Variants in NPAS2 observed in about 807,000 individuals in gnomAD.
NPAS2 encodes neuronal PAS domain-containing protein 2.
NPAS2 carries 23 observed loss-of-function variants against 107.5 expected under a neutral mutation model. The observed-to-expected ratio is 0.21, with a 90% CI of 0.15 to 0.30. The LOEUF is 0.30. Among genes scored for constraint, NPAS2 ranks in the 10% least tolerant of loss-of-function variants. NPAS2 has a pLI of 1.00. For synonymous variants in NPAS2, 403 were observed against 417.5 expected, an observed-to-expected ratio of 0.97 and a Z score of 0.42; for missense variants, 756 against 1,043.3, an observed-to-expected ratio of 0.72 and a Z score of 3.79.
At chr2:100,867,368 A>G (rs1679320563) in intron 1 of NPAS2, among the ~76,000 whole-genome samples, 1 of 152,144 alleles carries the variant, frequency 6.6e-6, no homozygotes, top group Admixed American at 6.6e-5. Context: ...GGTGCATGTA[A>G]GTTTAGGATT....
chr2:100,849,116 G>C (rs994257485), intron 1 of NPAS2, among the ~76,000 whole-genome samples: 2 of 152,314 alleles, frequency 1.3e-5, no homozygotes, highest in Non-Finnish European at 2.9e-5. Flanking sequence ...TTTCTCAAAG[G>C]CTGCTCCATG....
chr2:100,965,006 G>C lies in NPAS2; in HGVS notation c.800+63G>C, dbSNP rs1254508697. On this transcript the variant is annotated intron_variant, in intron 9 of 20. Transcript: ENST00000335681. This position sits in a 1 kb window ranked among gnomAD's most constrained non-coding sequence, Gnocchi z 4.3. ...CTCAAGTCTTGTTTGCGTGAGCCAG[G>C]CTCTCCTTGGGAGAGAAGAGTCGGC... 1 of 1,114,012 alleles carries C rather than the reference G, an allele frequency of 9.0e-7. No homozygotes were observed. Among genetic ancestry groups the C allele is most frequent in the African/African-American group, 1.6e-5 (1 of 61,898 alleles). The allele number at this position is 1,114,012 out of a possible 1,614,324, so 69.0% of individuals were successfully genotyped here.
intron 3 of NPAS2, among the ~76,000 whole-genome samples, chr2:100,926,014 C>T (rs1256714570): frequency 1.3e-5 from 2 of 152,194 alleles, no homozygotes; most frequent in Non-Finnish European, 2.9e-5. Context: ...CTATTCTAGG[C>T]ATTTTATACA....
chr2:100,897,950 C>T (rs753713659), intron 1 of NPAS2, among the ~76,000 whole-genome samples: 52 of 152,316 alleles, frequency 3.4e-4, no homozygotes, highest in Non-Finnish European at 6.2e-4. Flanking sequence ...TGCCTCATCA[C>T]AGAGCCCAAG....
chr2:100,993,279 C>A (rs182598313), intron 19 of NPAS2, 68 bp from the exon 20 acceptor site: 6 of 1,396,986 alleles, frequency 4.3e-6, no homozygotes, highest in Non-Finnish European at 5.8e-6. Flanking sequence ...CTTTGTTGCT[C>A]GTGCTTTTGG....
rs1399278426 is a variant in NPAS2, at chr2:100,976,194, T to G, written c.1392+627T>G. 6.6e-6 allele frequency among the ~76,000 whole-genome samples: 1 copy of G among 151,718 alleles called. No homozygotes were observed. The highest frequency in any genetic ancestry group is 1.5e-5 in the Non-Finnish European group (1 of 67,944). ...CTTCTCTGCTCCTTGGTGTCGGGGA[T>G]CTCGTGGGCCTAGGCTATGGAATGC... On this transcript the variant is annotated intron_variant, in intron 14 of 20. Transcript: ENST00000335681. The surrounding 1 kb of genome is among the most constrained non-coding windows in gnomAD (Gnocchi z 4.1).
At chr2:100,952,955 A>T (rs6719985) in intron 7 of NPAS2, among the ~76,000 whole-genome samples, 52,312 of 151,166 alleles carry the variant, frequency 0.35, 9,149 homozygotes, top group Middle Eastern at 0.52. Flanking sequence ...AGTCTGTTCT[A>T]CAAACCAGCA....
At chr2:100,877,440 C>T (rs561494865) in intron 1 of NPAS2, among the ~76,000 whole-genome samples, 2 of 91,332 alleles carry the variant, frequency 2.2e-5, no homozygotes, top group East Asian at 5.5e-4. Flanking sequence ...AGTGAGACTC[C>T]GTCTCAAAAA....
intron 5 of NPAS2, among the ~76,000 whole-genome samples, chr2:100,944,075 T>C (rs1444863513): frequency 6.6e-6 from 1 of 152,200 alleles, no homozygotes; most frequent in Non-Finnish European, 1.5e-5. Flanking sequence ...TTCTGAAAGC[T>C]TAACCATATG....
chr2:100,829,132 C>G (rs1216212824), intron 1 of NPAS2, among the ~76,000 whole-genome samples: 1 of 150,578 alleles, frequency 6.6e-6, no homozygotes, highest in African/African-American at 2.4e-5. Flanking sequence ...AGCTGTATTC[C>G]TATGTATTTT....
intron 14 of NPAS2, 79 bp from the exon 15 acceptor site, chr2:100,977,631 C>T (rs751639320): frequency 7.9e-6 from 10 of 1,261,606 alleles, no homozygotes; most frequent in Non-Finnish European, 1.2e-5. Flanking sequence ...ACGCAGAGAA[C>T]CCACCGGACC....
At chr2:100,935,160 C>A in intron 4 of NPAS2, 1 of 927,020 alleles carries the variant, frequency 1.1e-6, no homozygotes, top group Non-Finnish European at 1.3e-6. Flanking sequence ...AAGACTGTGG[C>A]TACCAGCATT....
At chr2:100,880,024 T>G (rs935552783) in intron 1 of NPAS2, among the ~76,000 whole-genome samples, 5 of 152,230 alleles carry the variant, frequency 3.3e-5, no homozygotes, top group Middle Eastern at 3.4e-3. Flanking sequence ...GGGGGACCTC[T>G]GGGGGGGACA....
At chr2:100,986,707 GT>G (rs1342811499) in intron 16 of NPAS2, 1 of 152,128 alleles carries the variant, frequency 6.6e-6, no homozygotes, top group African/African-American at 2.4e-5. Context: ...GACAGATTCC[GT>G]TTTATTTATG....
intron 1 of NPAS2, among the ~76,000 whole-genome samples, chr2:100,852,150 A>G (rs1016034699): frequency 1.3e-5 from 2 of 152,134 alleles, no homozygotes; most frequent in Non-Finnish European, 2.9e-5. Flanking sequence ...TAATCCCAGC[A>G]CTTTGGGAGG....
chr2:100,878,213 C>G, intron 1 of NPAS2: 1 of 985,318 alleles, frequency 1.0e-6, no homozygotes, highest in South Asian at 4.7e-5. Context: ...GCTCCAGATG[C>G]TAGGGAAAGC....
upstream of NPAS2, among the ~76,000 whole-genome samples, chr2:100,819,530 C>A (rs955002440): frequency 6.6e-6 from 1 of 152,070 alleles, no homozygotes; most frequent in African/African-American, 2.4e-5. The surrounding 1 kb of genome is among the most constrained non-coding windows in gnomAD (Gnocchi z 5.8). Context: ...GTGGTCCCCG[C>A]AGAGACGCGC....
intron 7 of NPAS2, among the ~76,000 whole-genome samples, chr2:100,950,585 A>G (rs2105059073): frequency 6.6e-6 from 1 of 152,324 alleles, no homozygotes; most frequent in Non-Finnish European, 1.5e-5. Flanking sequence ...CCTTTGTTGT[A>G]TGTTATTTGC....
chr2:100,990,149 G>A, intron 17 of NPAS2, 107 bp from the exon 18 acceptor site: 1 of 957,154 alleles, frequency 1.0e-6, no homozygotes, highest in Non-Finnish European at 1.6e-6. Context: ...TTCTGATTTA[G>A]AGGAAAGGCA....
Sources: allele counts gnomAD v4.1 joint callset (sites outside exome capture counted in the v4.1 genomes callset), GRCh38; gene constraint gnomAD v4.1.1; non-coding constraint Gnocchi (gnomAD v3.1); transcripts MANE v1.5; gene names NCBI Gene and HGNC (gene_info 2026-07-23, HGNC 2026-07-21).